The following RAPGEF6 variants were observed in gnomAD, a reference collection of about 807,000 sequenced individuals.
RAPGEF6 encodes the protein Rap guanine nucleotide exchange factor 6.
In RAPGEF6, 56 loss-of-function variants were observed where a neutral mutation model predicts 171.4. The observed-to-expected ratio is 0.33, with a 90% CI of 0.26 to 0.41. RAPGEF6 has a LOEUF of 0.41. Among genes scored for constraint, RAPGEF6 ranks in the 10% least tolerant of loss-of-function variants. RAPGEF6 has a pLI of 1.00. For missense variants in RAPGEF6, 1,674 were observed against 1,921.4 expected (o/e 0.87, Z 2.41); for synonymous variants, 692 against 650.1 (o/e 1.06, Z -0.98).
intron 6 of RAPGEF6, 33 bp from the exon 7 acceptor site, chr5:131,521,554 T>C (rs1360225205): frequency 1.9e-6 from 3 of 1,579,730 alleles, no homozygotes; most frequent in East Asian, 2.3e-5. Flanking sequence ...TTATTCTAAA[T>C]GTCAAGCTTT....
chr5:131,483,640 C>G (rs1379618930), intron 15 of RAPGEF6, among the ~76,000 whole-genome samples: 1 of 152,074 alleles, frequency 6.6e-6, no homozygotes, highest in South Asian at 2.1e-4. Flanking sequence ...TGTATATATG[C>G]GTTCACAAAC....
At chr5:131,434,528 C>G (rs1042321721) in intron 24 of RAPGEF6, among the ~76,000 whole-genome samples, 4 of 152,206 alleles carry the variant, frequency 2.6e-5, no homozygotes, top group African/African-American at 9.7e-5. Context: ...TATGAGCCAC[C>G]ATGCCCAGCC....
In RAPGEF6 at chr5:131,446,478, C is replaced by A; in HGVS notation, c.3421+5G>T. On this transcript the variant is annotated splice_donor_5th_base_variant and intron_variant, in intron 22 of 27. Coordinates refer to ENST00000509018, the MANE Select transcript of RAPGEF6 (RefSeq NM_016340.6). Reference sequence around the variant, plus strand: ...AGCGTCACATAAATGAAAACTTGTACTCACAGGTACCATATGCAGGCTCCC... The same window carrying A: ...AGCGTCACATAAATGAAAACTTGTAATCACAGGTACCATATGCAGGCTCCC... 1 of 1,606,696 alleles carries A rather than the reference C, an allele frequency of 6.2e-7. No individual in the cohort carries two copies. The highest frequency in any genetic ancestry group is 1.1e-5 in the South Asian group (1 of 89,860).
rs1482956540 is a variant in RAPGEF6, at chr5:131,431,359, G to C, written c.3975-10C>G. 3 of 1,578,660 alleles carry C rather than the reference G, an allele frequency of 1.9e-6. No homozygotes were observed. The highest frequency in any genetic ancestry group is 1.7e-6 in the Non-Finnish European group (2 of 1,159,080). ...CTTCAAGAGTGTCCACCTAAAATTG[G>C]AGATAACGTACAATTAGAAGGCTTG... On this transcript the variant is annotated splice_polypyrimidine_tract_variant and intron_variant, in intron 25 of 27. Transcript: ENST00000509018.
At chr5:131,579,798 G>A (rs898777641) in intron 4 of RAPGEF6, among the ~76,000 whole-genome samples, 2 of 152,198 alleles carry the variant, frequency 1.3e-5, no homozygotes, top group African/African-American at 4.8e-5. Context: ...CAATCCTTTA[G>A]CTAGACATAA....
intron 15 of RAPGEF6, among the ~76,000 whole-genome samples, chr5:131,483,822 C>T (rs986902544): frequency 2.0e-5 from 3 of 151,842 alleles, no homozygotes; most frequent in African/African-American, 7.3e-5. Context: ...TTACAGAGGC[C>T]GGGCGTGGTG....
chr5:131,498,373 TA>T, intron 12 of RAPGEF6, 69 bp downstream of exon 12: 1 of 1,365,820 alleles, frequency 7.3e-7, no homozygotes, highest in Non-Finnish European at 1.0e-6. Context: ...ACAGGTAATC[TA>T]TCAACTATAA....
At chr5:131,474,000 A>C (rs969165461) in intron 16 of RAPGEF6, among the ~76,000 whole-genome samples, 3 of 152,188 alleles carry the variant, frequency 2.0e-5, no homozygotes, top group Non-Finnish European at 2.9e-5. Context: ...TAGCTGCTTG[A>C]CTTCAGGCAA....
rs1443323308 is a variant in RAPGEF6 at position 131,537,639 on chromosome 5, C to T, written c.495+10408G>A. Among the ~76,000 whole-genome samples, 3 of 152,036 alleles carry T rather than the reference C, an allele frequency of 2.0e-5. No individual in the cohort carries two copies. The East Asian group carries it at 5.8e-4, about 29-fold the overall frequency. Reference sequence around the variant, plus strand: ...AATTTAACTGCATGAGAAACACAAACACAAGGATACATAACTAAACATTCA... The same window carrying T: ...AATTTAACTGCATGAGAAACACAAATACAAGGATACATAACTAAACATTCA... On this transcript the variant is annotated intron_variant, in intron 6 of 27. Coordinates refer to ENST00000509018, the MANE Select transcript of RAPGEF6 (RefSeq NM_016340.6).
intron 4 of RAPGEF6, among the ~76,000 whole-genome samples, chr5:131,585,038 T>C (rs980073245): frequency 5.3e-5 from 8 of 152,104 alleles, no homozygotes; most frequent in Admixed American, 2.0e-4. Context: ...CCAATAAGCA[T>C]AAGGGCATAA....
chr5:131,479,903 C>CT, intron 15 of RAPGEF6, 150 bp from the exon 16 acceptor site: 1 of 727,870 alleles, frequency 1.4e-6, no homozygotes, highest in Non-Finnish European at 2.2e-6. Context: ...ATTTACCCGT[C>CT]CTTTAGCAGC....
intron 5 of RAPGEF6, among the ~76,000 whole-genome samples, chr5:131,552,461 C>CT (rs200660234): frequency 3.0e-3 from 423 of 141,956 alleles, no homozygotes; most frequent in Middle Eastern, 3.8e-3. Flanking sequence ...AAAAATGCAA[C>CT]TTTTTTTTTT....
At chr5:131,512,125 C>A (rs896814527) in intron 7 of RAPGEF6, among the ~76,000 whole-genome samples, 1 of 152,078 alleles carries the variant, frequency 6.6e-6, no homozygotes, top group African/African-American at 2.4e-5. Flanking sequence ...AGCAACAAAG[C>A]AACAGAAACA....
At chr5:131,503,096 C>A (rs1757131234) in intron 11 of RAPGEF6, among the ~76,000 whole-genome samples, 1 of 152,174 alleles carries the variant, frequency 6.6e-6, no homozygotes, top group Non-Finnish European at 1.5e-5. Context: ...AGCCACCATG[C>A]CCGGCCCTGA....
intron 4 of RAPGEF6, among the ~76,000 whole-genome samples, chr5:131,588,792 G>A (rs1435994556): frequency 6.6e-6 from 1 of 151,454 alleles, no homozygotes; most frequent in Non-Finnish European, 1.5e-5. Context: ...ATGGAAAACA[G>A]CCAGGCGAGG....
At chr5:131,512,374 C>CT (rs148603194) in intron 7 of RAPGEF6, among the ~76,000 whole-genome samples, 20 of 143,800 alleles carry the variant, frequency 1.4e-4, no homozygotes, top group East Asian at 8.1e-4. Flanking sequence ...TTTTTTTCTT[C>CT]TTTTTTTTTT....
chr5:131,582,194 T>C (rs1461406938), intron 4 of RAPGEF6, among the ~76,000 whole-genome samples: 1 of 152,204 alleles, frequency 6.6e-6, no homozygotes, highest in Non-Finnish European at 1.5e-5. Context: ...ACCACCTGAT[T>C]TCATGATTTA....
chr5:131,436,171 A>C (rs938792667), intron 24 of RAPGEF6: 4 of 1,537,000 alleles, frequency 2.6e-6, no homozygotes, highest in Non-Finnish European at 3.5e-6. Context: ...TCTTTCCCTA[A>C]GTCTTCTAAA....
chr5:131,471,788 T>C (rs923688135), intron 17 of RAPGEF6, among the ~76,000 whole-genome samples: 6 of 151,924 alleles, frequency 3.9e-5, no homozygotes, highest in African/African-American at 1.5e-4. Context: ...CAAACAACAA[T>C]GAAAATTATG....
Sources: allele counts gnomAD v4.1 joint callset (sites outside exome capture counted in the v4.1 genomes callset), GRCh38; gene constraint gnomAD v4.1.1; transcripts MANE v1.5; gene names NCBI Gene and HGNC (gene_info 2026-07-23, HGNC 2026-07-21).